PHAX: variants seen among roughly 807,000 people sequenced by gnomAD.
PHAX encodes phosphorylated adaptor for RNA export, also known as phosphorylated adapter RNA export protein.
Under a neutral mutation model 41.6 loss-of-function variants are expected in PHAX, and 31 were observed. The ratio of observed to expected loss-of-function variants is 0.75; its 90% CI spans 0.56 to 1.01. PHAX has a LOEUF of 1.01. Ranked by LOEUF, PHAX falls within the 50% of genes least tolerant of loss-of-function variation. PHAX has a pLI of 0.00. For missense variants in PHAX, 453 were observed against 472.9 expected (o/e 0.96, Z 0.39); for synonymous variants, 175 against 164.9 (o/e 1.06, Z -0.47).
At chr5:126,613,611 G>A (rs1303957385) in intron 3 of PHAX, among the ~76,000 whole-genome samples, 1 of 151,946 alleles carries the variant, frequency 6.6e-6, no homozygotes, top group East Asian at 1.9e-4. Flanking sequence ...AGCCCAGAAG[G>A]TCGAGCTGCA....
At chr5:126,615,742 A>T (rs1248030879) in intron 3 of PHAX, among the ~76,000 whole-genome samples, 1 of 152,102 alleles carries the variant, frequency 6.6e-6, no homozygotes, top group African/African-American at 2.4e-5. Context: ...TTAAACCAAG[A>T]TACATACAAG....
intron 3 of PHAX, among the ~76,000 whole-genome samples, chr5:126,609,223 C>T (rs557509474): frequency 3.1e-4 from 47 of 151,220 alleles, no homozygotes; most frequent in Non-Finnish European, 6.0e-4. Context: ...GCCTCAGCCC[C>T]CCAAGTAGCT....
chr5:126,608,744 C>G (rs1672168698), intron 3 of PHAX, among the ~76,000 whole-genome samples: 1 of 151,928 alleles, frequency 6.6e-6, no homozygotes, highest in Non-Finnish European at 1.5e-5. Flanking sequence ...CGAGACCAGC[C>G]TGACCAACAT....
chr5:126,608,364 G>A lies in PHAX; in HGVS notation c.711G>A (p.Arg237=). 6.2e-7 allele frequency: 1 copy of A among 1,613,450 alleles called. No homozygotes were observed. The highest frequency in any genetic ancestry group is 8.5e-7 in the Non-Finnish European group (1 of 1,179,638). Residue 237 remains arginine (R), a splice_region_variant and synonymous_variant, in exon 3 of 5, where the codon AGG becomes AGA. Transcript: ENST00000297540. ...QEKVADEISF[R]LQEPKKDLIA... is the part of the protein sequence containing the mutation. Reference sequence around the variant, plus strand: ...GATAATTTTACTTGTTTCTCATCAGGTTACAGGAACCAAAGAAAGACCTGA... The same window carrying A: ...GATAATTTTACTTGTTTCTCATCAGATTACAGGAACCAAAGAAAGACCTGA...
intron 4 of PHAX, 83 bp downstream of exon 4, chr5:126,617,416 A>G (rs1273917262): frequency 4.1e-6 from 3 of 726,940 alleles, no homozygotes; most frequent in Non-Finnish European, 7.1e-6. Flanking sequence ...ATGGATATGC[A>G]TTACCTGTTC....
Position 126,617,732 on chromosome 5 carries a change from G to A in PHAX, c.915+399G>A, listed in dbSNP as rs57405270. On this transcript the variant is annotated intron_variant, in intron 4 of 4. Coordinates refer to ENST00000297540, the MANE Select transcript of PHAX (RefSeq NM_032177.4). ...GACCTCAAGCAGTCCGCCCGTCTCGGCCCCCACAAAGTGCTGGGATTACAG... is the reference window on the plus strand; with the variant it reads ...GACCTCAAGCAGTCCGCCCGTCTCGACCCCCACAAAGTGCTGGGATTACAG... Among the ~76,000 whole-genome samples, 605 of 152,170 alleles carry A rather than the reference G, an allele frequency of 4.0e-3. 8 individuals are homozygous for A. Among genetic ancestry groups the A allele is most frequent in the African/African-American group, 0.014 (578 of 41,528 alleles).
At chr5:126,615,780 G>A (rs1036811700) in intron 3 of PHAX, among the ~76,000 whole-genome samples, 6 of 152,064 alleles carry the variant, frequency 3.9e-5, no homozygotes, top group East Asian at 1.9e-4. Flanking sequence ...TGACAAAAGT[G>A]TTGTCTATCA....
At chr5:126,617,782 C>G (rs924435202) in intron 4 of PHAX, among the ~76,000 whole-genome samples, 4 of 152,158 alleles carry the variant, frequency 2.6e-5, no homozygotes, top group African/African-American at 9.6e-5. Flanking sequence ...TCCCAGCCAG[C>G]CTTTTATTCT....
intron 4 of PHAX, 73 bp downstream of exon 4, chr5:126,617,406 A>G (rs931185426): frequency 2.6e-6 from 2 of 779,328 alleles, no homozygotes; most frequent in African/African-American, 1.7e-5. Context: ...TTCATTTTCT[A>G]TGGATATGCA....
In PHAX at chr5:126,626,070, AT is replaced by A. The variant is rs1445297721; in HGVS notation, c.*1228del. 1 of 152,106 alleles carries A rather than the reference AT, an allele frequency of 6.6e-6. No individual in the cohort carries two copies. Among genetic ancestry groups the A allele is most frequent in the Non-Finnish European group, 1.5e-5 (1 of 68,038 alleles). The allele number at this position is 152,106 out of a possible 1,614,324, so 9.4% of individuals were successfully genotyped here. A position where few individuals can be genotyped will look rare whatever the true frequency, so the allele number is the denominator to read the frequency against. ...ATATACTAAATGTGATCTCCTGTGG[AT>A]TACCACATGCATTAAAAAATTTTTC... On this transcript the variant is annotated 3_prime_UTR_variant, in exon 5 of 5. Coordinates refer to ENST00000297540, the MANE Select transcript of PHAX (RefSeq NM_032177.4).
chr5:126,605,705 A>C (rs2112829733), intron 2 of PHAX, among the ~76,000 whole-genome samples: 1 of 152,248 alleles, frequency 6.6e-6, no homozygotes, highest in Non-Finnish European at 1.5e-5. Flanking sequence ...GTGTTTTCTT[A>C]AATTTGGACA....
intron 1 of PHAX, among the ~76,000 whole-genome samples, chr5:126,602,067 T>TC (rs1751912745): frequency 6.6e-6 from 1 of 152,216 alleles, no homozygotes; most frequent in East Asian, 1.9e-4. Flanking sequence ...CGCCTCGGCC[T>TC]CCCAAAGTGT....
rs935887971 is a variant in PHAX at position 126,609,225 on chromosome 5, C to T, written c.831+741C>T. On this transcript the variant is annotated intron_variant, in intron 3 of 4. Coordinates refer to ENST00000297540, the MANE Select transcript of PHAX (RefSeq NM_032177.4). ...AAGCAATTCTCCTGCCTCAGCCCCC[C>T]AAGTAGCTGAGATCACAGGCATGCA... is the stretch of plus-strand genomic sequence containing the variant. Among the ~76,000 whole-genome samples, 5 of 151,324 alleles carry T rather than the reference C, an allele frequency of 3.3e-5. No homozygotes were observed. In the South Asian group the frequency reaches 1.0e-3, roughly 32 times the overall value.
At chr5:126,621,786 A>T (rs1752276032) in intron 4 of PHAX, among the ~76,000 whole-genome samples, 1 of 152,038 alleles carries the variant, frequency 6.6e-6, no homozygotes, top group Admixed American at 6.6e-5. Flanking sequence ...CTTAACTTGG[A>T]GAGTTAAGTA....
rs577450736 is a variant in PHAX at position 126,621,993 on chromosome 5, C to G, written c.916-2582C>G. Among the ~76,000 whole-genome samples, 105 of 152,240 alleles carry G rather than the reference C, an allele frequency of 6.9e-4. 1 individual carries two copies. Among genetic ancestry groups the G allele is most frequent in the Non-Finnish European group, 1.1e-3 (78 of 68,026 alleles). On this transcript the variant is annotated intron_variant, in intron 4 of 4. Transcript: ENST00000297540. ...ATTTTTTTAATTTTTGAGACGGAGT[C>G]TCCTAGCTCTGTTGCCCAGGCTGGA...
intron 2 of PHAX, among the ~76,000 whole-genome samples, chr5:126,604,965 C>G (rs1751966852): frequency 6.6e-6 from 1 of 151,492 alleles, no homozygotes; most frequent in South Asian, 2.1e-4. Context: ...ACCCGGGAGG[C>G]GGAGGTTGCA....
chr5:126,624,465 A>G, intron 4 of PHAX, 110 bp from the exon 5 acceptor site: 1 of 854,100 alleles, frequency 1.2e-6, no homozygotes, highest in Non-Finnish European at 1.8e-6. Context: ...GCCTAATAAT[A>G]CTTGTATTTT....
intron 4 of PHAX, among the ~76,000 whole-genome samples, 180 bp downstream of exon 4, chr5:126,617,513 CTG>C (rs1224547560): frequency 6.6e-6 from 1 of 152,126 alleles, no homozygotes; most frequent in Non-Finnish European, 1.5e-5. Context: ...GAGTCTCACT[CTG>C]TCACCCAGGC....
At chr5:126,608,150 T>C (rs1317296262) in intron 2 of PHAX, among the ~76,000 whole-genome samples, 1 of 152,184 alleles carries the variant, frequency 6.6e-6, no homozygotes, top group Non-Finnish European at 1.5e-5. Context: ...AATAAGCCAA[T>C]TATGAGAGTT....
Sources: gnomAD v4.1 joint callset for allele counts (sites outside exome capture counted in the v4.1 genomes callset) on GRCh38, gnomAD v4.1.1 for gene constraint, MANE v1.5 for transcripts, NCBI Gene and HGNC (gene_info 2026-07-23, HGNC 2026-07-21) for gene names.